STXBP5L: variants seen among roughly 807,000 people sequenced by gnomAD.
STXBP5L encodes syntaxin binding protein 5L.
In STXBP5L, 65 loss-of-function variants were observed where a neutral mutation model predicts 144.5. That is an observed-to-expected ratio of 0.45 (90% CI 0.37 to 0.55). The LOEUF is 0.55. Among genes scored for constraint, STXBP5L ranks in the 20% least tolerant of loss-of-function variants. The probability of loss-of-function intolerance (pLI) is 0.00; values close to 1 mark genes in which losing one functional copy is unlikely to be tolerated. For missense variants in STXBP5L, 1,298 were observed against 1,405.5 expected (o/e 0.92, Z 1.22); for synonymous variants, 505 against 469.6 (o/e 1.08, Z -0.97).
chr3:120,931,065 A>T (rs1359357881), intron 2 of STXBP5L, among the ~76,000 whole-genome samples: 1 of 151,520 alleles, frequency 6.6e-6, no homozygotes, highest in South Asian at 2.1e-4. Flanking sequence ...CAAAGACTGC[A>T]TACCTGTAGT....
chr3:121,161,480 A>C (rs918306100), intron 9 of STXBP5L, among the ~76,000 whole-genome samples: 2 of 151,660 alleles, frequency 1.3e-5, no homozygotes. Flanking sequence ...TTTTATTTTC[A>C]GCAATTTGAC....
intron 19 of STXBP5L, among the ~76,000 whole-genome samples, chr3:121,300,687 A>C (rs2051856593): frequency 6.6e-6 from 1 of 152,168 alleles, no homozygotes; most frequent in Admixed American, 6.5e-5. Flanking sequence ...TACTAAGTAT[A>C]TTTTATTTTC....
chr3:120,978,618 A>T (rs9873593), intron 3 of STXBP5L, among the ~76,000 whole-genome samples: 15,110 of 151,668 alleles, frequency 0.1, 1,178 homozygotes, highest in Admixed American at 0.2. Context: ...GATGAGAGGC[A>T]CTCTGCTTTT....
intron 18 of STXBP5L, among the ~76,000 whole-genome samples, chr3:121,277,990 G>A (rs1218159620): frequency 6.6e-6 from 1 of 151,956 alleles, no homozygotes; most frequent in Non-Finnish European, 1.5e-5. Context: ...GTACACAGCC[G>A]AAGTCTCAAG....
At chr3:121,264,771 G>T (rs150473903) in intron 18 of STXBP5L, among the ~76,000 whole-genome samples, 5,326 of 145,104 alleles carry the variant, frequency 0.037, 143 homozygotes, top group Middle Eastern at 0.089. Context: ...AAAATAAAGG[G>T]ATGGAGGAAT....
chr3:121,237,558 A>C (rs184670621), intron 12 of STXBP5L, among the ~76,000 whole-genome samples: 9 of 152,302 alleles, frequency 5.9e-5, no homozygotes, highest in African/African-American at 2.2e-4. Context: ...TCTCTTTAGG[A>C]AGTAGTTGCT....
At chr3:120,965,521 T>C (rs1939456091) in intron 3 of STXBP5L, among the ~76,000 whole-genome samples, 1 of 152,230 alleles carries the variant, frequency 6.6e-6, no homozygotes, top group Admixed American at 6.5e-5. Context: ...ATTTTAATTC[T>C]CCTTCATTTA....
rs200620859 is a variant in STXBP5L, at chr3:121,183,658, AAAG to A, written c.878-22261_878-22259del. ...GGAAGGAAAGAAAGAAAAAAGAAAG[AAAG>A]AAGGAAGGGAGGGAGGGAGGAAGGA... On this transcript the variant is annotated intron_variant, in intron 9 of 26. Coordinates refer to ENST00000471454, the MANE Select transcript of STXBP5L (RefSeq NM_001308330.2). Among the ~76,000 whole-genome samples the A allele has an allele frequency of 2.8e-3, 431 of 151,856 alleles. 2 individuals are homozygous for A. Among genetic ancestry groups the A allele is most frequent in the Non-Finnish European group, 2.3e-3 (157 of 67,928 alleles).
At chr3:120,935,780 G>T (rs113495143) in intron 2 of STXBP5L, among the ~76,000 whole-genome samples, 1 of 150,222 alleles carries the variant, frequency 6.7e-6, no homozygotes, top group Admixed American at 6.6e-5. Flanking sequence ...GTTTTTCTGC[G>T]TTTTTTTTTA....
chr3:121,179,412 A>AGC (rs1427827407), intron 9 of STXBP5L, among the ~76,000 whole-genome samples: 2 of 152,200 alleles, frequency 1.3e-5, no homozygotes, highest in African/African-American at 4.8e-5. Flanking sequence ...AGTAATTCTA[A>AGC]GCAAAAAATA....
chr3:121,091,961 A>G (rs1269697908), intron 5 of STXBP5L, among the ~76,000 whole-genome samples: 3 of 152,172 alleles, frequency 2.0e-5, no homozygotes, highest in Admixed American at 1.3e-4. Flanking sequence ...TATAAGGTGT[A>G]AGGAAGGGAT....
intron 3 of STXBP5L, among the ~76,000 whole-genome samples, chr3:120,991,429 C>G (rs1942857365): frequency 1.3e-5 from 2 of 151,892 alleles, no homozygotes; most frequent in African/African-American, 4.8e-5. Flanking sequence ...GTGGCGATTC[C>G]TCAGGGATCT....
At chr3:121,395,726 T>C (rs986156368) in intron 22 of STXBP5L, among the ~76,000 whole-genome samples, 2 of 152,256 alleles carry the variant, frequency 1.3e-5, no homozygotes, top group Non-Finnish European at 1.5e-5. Context: ...GCAATGGTGA[T>C]ACCGCTATCA....
At chr3:121,369,708 C>G (rs2045971923) in intron 20 of STXBP5L, among the ~76,000 whole-genome samples, 1 of 152,168 alleles carries the variant, frequency 6.6e-6, no homozygotes, top group South Asian at 2.1e-4. Context: ...GAGAAATCCA[C>G]TTTAGTCTGA....
intron 3 of STXBP5L, among the ~76,000 whole-genome samples, chr3:120,976,936 A>C (rs982303499): frequency 7.2e-5 from 11 of 152,094 alleles, no homozygotes; most frequent in African/African-American, 2.4e-4. Flanking sequence ...CTGTTCTTTT[A>C]CATTTGCTGA....
chr3:121,376,547 G>C (rs925459741), intron 20 of STXBP5L, among the ~76,000 whole-genome samples: 1 of 152,152 alleles, frequency 6.6e-6, no homozygotes, highest in Admixed American at 6.5e-5. Context: ...GGTTGTAGAT[G>C]TGTGGTATTA....
chr3:121,330,999 T>A (rs996255349), intron 20 of STXBP5L, among the ~76,000 whole-genome samples: 3 of 152,084 alleles, frequency 2.0e-5, no homozygotes, highest in African/African-American at 7.2e-5. Context: ...TTGCAGACAG[T>A]CCCCACTACC....
chr3:121,015,906 A>G (rs1013091252), intron 3 of STXBP5L, among the ~76,000 whole-genome samples: 1 of 152,152 alleles, frequency 6.6e-6, no homozygotes, highest in African/African-American at 2.4e-5. Flanking sequence ...ATCAAGACTG[A>G]GATTTAATCA....
At chr3:121,005,862 T>G (rs1489294605) in intron 3 of STXBP5L, among the ~76,000 whole-genome samples, 1 of 152,220 alleles carries the variant, frequency 6.6e-6, no homozygotes, top group East Asian at 1.9e-4. Context: ...TTGAGTGGTT[T>G]TGAGTGAGTT....
Sources: allele counts gnomAD v4.1 joint callset (sites outside exome capture counted in the v4.1 genomes callset), GRCh38; gene constraint gnomAD v4.1.1; transcripts MANE v1.5; gene names NCBI Gene and HGNC (gene_info 2026-07-23, HGNC 2026-07-21).